REEP3: variants seen among roughly 807,000 people sequenced by gnomAD.
REEP3 encodes receptor expression-enhancing protein 3.
REEP3 carries 20 observed loss-of-function variants against 41.3 expected under a neutral mutation model. The observed-to-expected ratio is 0.48, with a 90% CI of 0.34 to 0.70. The LOEUF is 0.70. Among genes scored for constraint, REEP3 ranks in the 30% least tolerant of loss-of-function variants. REEP3 has a pLI of 0.01. For synonymous variants in REEP3, 104 were observed against 101.8 expected (o/e 1.02, Z -0.13); for missense variants, 271 against 308.8 (o/e 0.88, Z 0.92).
At chr10:63,547,903 TAAAAG>T (rs1955593299) in intron 1 of REEP3, among the ~76,000 whole-genome samples, 1 of 152,196 alleles carries the variant, frequency 6.6e-6, no homozygotes, top group Non-Finnish European at 1.5e-5. Context: ...ACTCATATTT[TAAAAG>T]AAATATCACC....
intron 2 of REEP3, among the ~76,000 whole-genome samples, chr10:63,578,365 T>C (rs1484167366): frequency 6.6e-6 from 1 of 152,224 alleles, no homozygotes; most frequent in Non-Finnish European, 1.5e-5. Flanking sequence ...CCCAAAGTGC[T>C]GGGATTACAG....
chr10:63,608,002 A>G (rs1956244376), intron 5 of REEP3, among the ~76,000 whole-genome samples: 1 of 152,242 alleles, frequency 6.6e-6, no homozygotes, highest in African/African-American at 2.4e-5. Flanking sequence ...AGTAAAGGGT[A>G]TCATGGACAT....
At chr10:63,529,367 G>C (rs974867225) in intron 1 of REEP3, among the ~76,000 whole-genome samples, 1 of 152,182 alleles carries the variant, frequency 6.6e-6, no homozygotes, top group African/African-American at 2.4e-5. Flanking sequence ...TCTGGAGATA[G>C]ATAGGGAAGT....
chr10:63,616,286 T>C (rs1032389755), intron 6 of REEP3, among the ~76,000 whole-genome samples: 1 of 151,832 alleles, frequency 6.6e-6, no homozygotes, highest in Non-Finnish European at 1.5e-5. Context: ...TTACATTCTC[T>C]TACTGTATGC....
intron 5 of REEP3, among the ~76,000 whole-genome samples, chr10:63,605,779 C>T (rs1435905817): frequency 6.6e-6 from 1 of 152,140 alleles, no homozygotes; most frequent in Non-Finnish European, 1.5e-5. Context: ...TTCAGATGTC[C>T]TAGTGCCCTT....
chr10:63,537,446 A>G (rs1255364678), intron 1 of REEP3, among the ~76,000 whole-genome samples: 1 of 152,222 alleles, frequency 6.6e-6, no homozygotes, highest in Non-Finnish European at 1.5e-5. Flanking sequence ...GATCTGGAAC[A>G]ATGATATTTG....
intron 2 of REEP3, among the ~76,000 whole-genome samples, chr10:63,578,512 C>T (rs1043525335): frequency 3.9e-5 from 6 of 152,176 alleles, no homozygotes; most frequent in Admixed American, 1.3e-4. Context: ...TAGCTCACAC[C>T]TATATCTCAG....
At chr10:63,532,313 T>G (rs1372792274) in intron 1 of REEP3, among the ~76,000 whole-genome samples, 2 of 152,226 alleles carry the variant, frequency 1.3e-5, no homozygotes, top group Non-Finnish European at 1.5e-5. Flanking sequence ...TATTCAGATA[T>G]ATTAATACCG....
chr10:63,605,266 C>T (rs1956213778), intron 5 of REEP3, among the ~76,000 whole-genome samples: 1 of 152,106 alleles, frequency 6.6e-6, no homozygotes, highest in Non-Finnish European at 1.5e-5. Context: ...ATACGTATTG[C>T]TTTAAACTCA....
chr10:63,577,590 TTTTTC>T (rs919213434), intron 2 of REEP3, among the ~76,000 whole-genome samples: 5 of 151,964 alleles, frequency 3.3e-5, no homozygotes, highest in African/African-American at 7.2e-5. Flanking sequence ...CATCTGGCTA[TTTTTC>T]TTTTCTTTTT....
intron 2 of REEP3, among the ~76,000 whole-genome samples, chr10:63,573,278 T>G (rs1421375967): frequency 2.0e-5 from 3 of 152,224 alleles, no homozygotes; most frequent in Non-Finnish European, 4.4e-5. Flanking sequence ...GTGGCTGATA[T>G]GGCCTACTTA....
At chr10:63,572,250 T>TGCAAG (rs1955859044) in intron 2 of REEP3, among the ~76,000 whole-genome samples, 2 of 152,152 alleles carry the variant, frequency 1.3e-5, no homozygotes, top group Non-Finnish European at 1.5e-5. Flanking sequence ...GAACATTATT[T>TGCAAG]GCTTGCACCC....
chr10:63,606,277 T>TTTTCTTTC (rs1239095555), intron 5 of REEP3, among the ~76,000 whole-genome samples: 5 of 147,898 alleles, frequency 3.4e-5, no homozygotes, highest in Non-Finnish European at 7.7e-5. Flanking sequence ...CTTTCTTTCT[T>TTTTCTTTC]TTTCTTTCTT....
intron 2 of REEP3, among the ~76,000 whole-genome samples, chr10:63,568,333 C>G (rs1031066736): frequency 1.3e-5 from 2 of 150,574 alleles, no homozygotes; most frequent in Non-Finnish European, 3.0e-5. Context: ...CTGGCGCGAT[C>G]TTGGCTCACT....
At chr10:63,587,648 TTCTACC>T (rs982575317) in intron 2 of REEP3, among the ~76,000 whole-genome samples, 9 of 152,318 alleles carry the variant, frequency 5.9e-5, no homozygotes, top group African/African-American at 1.9e-4. Flanking sequence ...AAAACTCAGA[TTCTACC>T]CATCTTCAAC....
At chr10:63,616,044 G>A (rs1344862589) in intron 6 of REEP3, among the ~76,000 whole-genome samples, 1 of 152,040 alleles carries the variant, frequency 6.6e-6, no homozygotes, top group Non-Finnish European at 1.5e-5. Flanking sequence ...CTCTAATCAT[G>A]TTACTCTTCT....
chr10:63,568,759 G>A (rs1955826612), intron 2 of REEP3, among the ~76,000 whole-genome samples: 1 of 147,680 alleles, frequency 6.8e-6, no homozygotes, highest in South Asian at 2.2e-4. Context: ...GGGCTCAAGC[G>A]ATCCTCCTAC....
At chr10:63,620,079 CA>C (rs1483266107) in intron 7 of REEP3, among the ~76,000 whole-genome samples, 2 of 151,870 alleles carry the variant, frequency 1.3e-5, no homozygotes. Flanking sequence ...ACTACAGGCA[CA>C]TGCCACCGCA....
At position 63,618,069 on chromosome 10, in the gene REEP3, G is replaced by A. The variant is rs1276207378; in HGVS notation, c.566-1586G>A. 5.3e-5 allele frequency among the ~76,000 whole-genome samples: 8 copies of A among 150,952 alleles called. No individual in the cohort carries two copies. The East Asian group carries it at 7.8e-4, about 15-fold the overall frequency. Reference sequence around the variant, plus strand: ...TCGAACTCCTGACCTCAGGTGATCCGCCCACCTTGGCCTCCCGAAGTGCTG... The same window carrying A: ...TCGAACTCCTGACCTCAGGTGATCCACCCACCTTGGCCTCCCGAAGTGCTG... On this transcript the variant is annotated intron_variant, in intron 6 of 7. Transcript: ENST00000373758.
Sources: allele counts gnomAD v4.1 joint callset (sites outside exome capture counted in the v4.1 genomes callset), GRCh38; gene constraint gnomAD v4.1.1; transcripts MANE v1.5; gene names NCBI Gene and HGNC (gene_info 2026-07-23, HGNC 2026-07-21).